Variants in EFHC2 observed in about 807,000 individuals in gnomAD.
The protein encoded by EFHC2 is EF-hand domain-containing family member C2.
In EFHC2, 18 loss-of-function variants were observed where a neutral mutation model predicts 52.7. That is an observed-to-expected ratio of 0.34 (90% CI 0.24 to 0.51). EFHC2 has a LOEUF of 0.51. Ranked by LOEUF, EFHC2 falls within the 20% of genes least tolerant of loss-of-function variation. The pLI, the probability that EFHC2 is intolerant of heterozygous loss-of-function variation, is 0.97. For missense variants in EFHC2, 513 were observed against 562.5 expected (o/e 0.91, Z 0.89); for synonymous variants, 203 against 204.1 (o/e 0.99, Z 0.04).
chrX:44,327,380 GA>G (rs745960206), intron 1 of EFHC2, among the ~76,000 whole-genome samples: 1 of 111,384 alleles, frequency 9.0e-6, no homozygotes, highest in East Asian at 2.8e-4. Context: ...GGAAATTTGG[GA>G]ATTGAAGAGA....
intron 1 of EFHC2, among the ~76,000 whole-genome samples, chrX:44,318,000 T>C (rs904919166): frequency 8.9e-6 from 1 of 112,476 alleles, no homozygotes; most frequent in Non-Finnish European, 1.9e-5. Context: ...AATCATCATA[T>C]GATCCAGCAG....
At chrX:44,212,906 C>T (rs1404304398) in intron 11 of EFHC2, among the ~76,000 whole-genome samples, 1 of 106,974 alleles carries the variant, frequency 9.3e-6, no homozygotes, top group Admixed American at 1.0e-4. Flanking sequence ...GTAGAGACAG[C>T]GTTTCACCAT....
chrX:44,293,905 C>T (rs1480168748), intron 2 of EFHC2, among the ~76,000 whole-genome samples: 1 of 112,079 alleles, frequency 8.9e-6, no homozygotes, highest in African/African-American at 3.2e-5. Context: ...TATCTTTACA[C>T]CACAGAGCAG....
intron 13 of EFHC2, among the ~76,000 whole-genome samples, chrX:44,168,458 G>C (rs1402774167): frequency 4.5e-5 from 5 of 110,364 alleles, no homozygotes; most frequent in African/African-American, 1.7e-4. Context: ...CGTGAACCCG[G>C]GAGGCGGAGC....
At position 44,331,357 on chromosome X, in the gene EFHC2, C is replaced by T. The variant is rs977105710; in HGVS notation, c.42+12190G>A. Reference sequence around the variant, plus strand: ...GAAATGGAAAACAGATTCGTTGTTGCCAGGGGTTAGGAATGGTAGGGTTGG... The same window carrying T: ...GAAATGGAAAACAGATTCGTTGTTGTCAGGGGTTAGGAATGGTAGGGTTGG... On this transcript the variant is annotated intron_variant, in intron 1 of 14. Transcript: ENST00000420999. Among the ~76,000 whole-genome samples the T allele has an allele frequency of 5.4e-5, 6 of 111,503 alleles. No homozygotes were observed. The Admixed American group carries it at 5.7e-4, about 11-fold the overall frequency.
chrX:44,250,275 A>T lies in EFHC2; in HGVS notation c.777T>A (p.Thr259=). Reference sequence around the variant, plus strand: ...GTGGAAGCAATTCTTTGATTTCAATAGTATCATCACACAAGAAGTAATGCA... The same window carrying T: ...GTGGAAGCAATTCTTTGATTTCAATTGTATCATCACACAAGAAGTAATGCA... ...LILHYFLCDD[T]IEIKELLPHS... The change falls in exon 5 of 15, where the codon ACT becomes ACA. Residue 259 remains threonine (T), a synonymous_variant. Coordinates refer to ENST00000420999, the MANE Select transcript of EFHC2 (RefSeq NM_025184.4). 8.3e-7 allele frequency: 1 copy of T among 1,211,160 alleles called. No homozygotes were observed. Among genetic ancestry groups the T allele is most frequent in the Non-Finnish European group, 1.1e-6 (1 of 895,131 alleles).
chrX:44,300,106 A>T (rs937593175), intron 2 of EFHC2, among the ~76,000 whole-genome samples: 3 of 105,009 alleles, frequency 2.9e-5, no homozygotes, highest in African/African-American at 1.1e-4. Flanking sequence ...ATTTCAAATA[A>T]ACTTGCAGCT....
chrX:44,248,445 T>C, intron 6 of EFHC2, 35 bp from the exon 7 acceptor site: 3 of 1,176,982 alleles, frequency 2.5e-6, no homozygotes, highest in Non-Finnish European at 3.4e-6. Flanking sequence ...ATTGGCACCA[T>C]GGACCCTCCA....
chrX:44,283,531 CCTTT>C (rs1315658500), intron 2 of EFHC2, among the ~76,000 whole-genome samples: 1 of 86,957 alleles, frequency 1.1e-5, no homozygotes, highest in Non-Finnish European at 2.1e-5. Flanking sequence ...CACGGAAGTA[CCTTT>C]TTTTTTTTTT....
intron 11 of EFHC2, among the ~76,000 whole-genome samples, chrX:44,201,203 T>C (rs1028809524): frequency 9.0e-6 from 1 of 111,426 alleles, no homozygotes; most frequent in African/African-American, 3.2e-5. Flanking sequence ...TACTAGAAAA[T>C]ATTTATATAT....
chrX:44,148,947 G>T, intron 14 of EFHC2, 51 bp from the exon 15 acceptor site: 1 of 1,048,498 alleles, frequency 9.5e-7, no homozygotes, highest in Non-Finnish European at 1.3e-6. Flanking sequence ...TCAAAGTACA[G>T]TTTTGAAAAT....
At chrX:44,268,156 G>A (rs958456935) in intron 3 of EFHC2, among the ~76,000 whole-genome samples, 3 of 111,457 alleles carry the variant, frequency 2.7e-5, no homozygotes, top group African/African-American at 9.8e-5. Flanking sequence ...TCAAAAATTC[G>A]GAAAATTTCC....
chrX:44,257,162 G>C (rs1023735049), intron 4 of EFHC2, among the ~76,000 whole-genome samples: 16 of 111,497 alleles, frequency 1.4e-4, no homozygotes, highest in African/African-American at 5.2e-4. Flanking sequence ...AATAATAAGA[G>C]CTATTTATGA....
rs778704299 is a variant in EFHC2, at chrX:44,163,940, T to C, written c.2130A>G (p.Pro710=). ...WRKNPVPELQ[P]ASYLKERCED... is the part of the protein sequence containing the mutation. The stretch of plus-strand genomic sequence containing the variant: ...ATTTTACCTCTTTAAGGTATGATGC[T>C]GGTTGCAATTCAGGCACTGGATTCT... The change falls in exon 14 of 15, where the codon CCA becomes CCG. Residue 710 remains proline, a synonymous_variant. Coordinates refer to ENST00000420999, the MANE Select transcript of EFHC2 (RefSeq NM_025184.4). 8.6e-7 allele frequency: 1 copy of C among 1,165,571 alleles called. No homozygotes were observed. Among genetic ancestry groups the C allele is most frequent in the East Asian group, 3.2e-5 (1 of 31,354 alleles).
chrX:44,302,884 T>A (rs1185205359), intron 2 of EFHC2, among the ~76,000 whole-genome samples: 2 of 112,204 alleles, frequency 1.8e-5, no homozygotes, highest in Non-Finnish European at 3.8e-5. Flanking sequence ...CCAGTTTTTT[T>A]AAAAGCTTAA....
chrX:44,205,270 C>T (rs746799529), intron 11 of EFHC2, among the ~76,000 whole-genome samples: 4 of 111,161 alleles, frequency 3.6e-5, no homozygotes, highest in Non-Finnish European at 7.5e-5. Context: ...AAGCCGAGAG[C>T]CTTATGAAGC....
chrX:44,244,001 T>C (rs968929984), intron 7 of EFHC2, among the ~76,000 whole-genome samples: 1 of 111,493 alleles, frequency 9.0e-6, no homozygotes, highest in Non-Finnish European at 1.9e-5. Context: ...AGGAGACATA[T>C]ACATACAACT....
chrX:44,208,975 T>C (rs1293311004), intron 11 of EFHC2, among the ~76,000 whole-genome samples: 1 of 107,269 alleles, frequency 9.3e-6, no homozygotes, highest in African/African-American at 3.4e-5. Context: ...TACAAACCAC[T>C]GGGGAAAGGA....
At chrX:44,203,515 A>G (rs1268306097) in intron 11 of EFHC2, among the ~76,000 whole-genome samples, 1 of 111,191 alleles carries the variant, frequency 9.0e-6, no homozygotes, top group African/African-American at 3.3e-5. Flanking sequence ...TGAGAGTGAC[A>G]TGATAAGAAA....
Sources: gnomAD v4.1 joint callset for allele counts (sites outside exome capture counted in the v4.1 genomes callset) on GRCh38, gnomAD v4.1.1 for gene constraint, MANE v1.5 for transcripts, NCBI Gene and HGNC (gene_info 2026-07-23, HGNC 2026-07-21) for gene names.